Variants in MAGI1 observed in about 807,000 individuals in gnomAD.
The protein encoded by MAGI1 is membrane associated guanylate kinase, WW and PDZ domain containing 1.
Under a neutral mutation model 139.9 loss-of-function variants are expected in MAGI1, and 58 were observed. The ratio of observed to expected loss-of-function variants is 0.41; its 90% CI spans 0.34 to 0.52. The LOEUF (loss-of-function observed/expected upper bound fraction) is 0.52. Among genes scored for constraint, MAGI1 ranks in the 20% least tolerant of loss-of-function variants. MAGI1 has a pLI of 0.12. For synonymous variants in MAGI1, 812 were observed against 737.9 expected (o/e 1.10, Z -1.63); for missense variants, 1,874 against 1,901.6 (o/e 0.99, Z 0.27).
At chr3:65,897,162 A>G (rs758578833) in intron 1 of MAGI1, among the ~76,000 whole-genome samples, 69 of 152,218 alleles carry the variant, frequency 4.5e-4, no homozygotes, top group Non-Finnish European at 8.4e-4. Context: ...ACTAAAGAAT[A>G]AAACTGGTTA....
At chr3:65,539,497 C>T (rs554380631) in intron 2 of MAGI1, among the ~76,000 whole-genome samples, 3 of 152,310 alleles carry the variant, frequency 2.0e-5, no homozygotes, top group South Asian at 4.1e-4. Context: ...AAATGGATAC[C>T]GTGTTCTCTG....
intron 1 of MAGI1, chr3:65,924,830 TCA>T (rs2062413385): frequency 1.3e-5 from 2 of 152,304 alleles, no homozygotes; most frequent in African/African-American, 4.8e-5. Flanking sequence ...TGTAAAGTAC[TCA>T]CAGTCATGCC....
intron 2 of MAGI1, among the ~76,000 whole-genome samples, chr3:65,541,035 T>G (rs918221406): frequency 5.9e-5 from 9 of 152,160 alleles, no homozygotes; most frequent in African/African-American, 2.2e-4. Context: ...AAAAGATATA[T>G]TCTTTCCAAG....
intron 1 of MAGI1, among the ~76,000 whole-genome samples, chr3:65,719,365 T>C (rs1465686646): frequency 5.9e-5 from 9 of 151,800 alleles, no homozygotes; most frequent in African/African-American, 1.7e-4. Context: ...GTGGATATTA[T>C]ACAATGTTTA....
At chr3:65,882,316 T>A (rs1395700415) in intron 1 of MAGI1, among the ~76,000 whole-genome samples, 2 of 152,180 alleles carry the variant, frequency 1.3e-5, no homozygotes, top group Non-Finnish European at 2.9e-5. Context: ...AAGACAAAGC[T>A]GAAGAAATCG....
intron 2 of MAGI1, among the ~76,000 whole-genome samples, chr3:65,523,566 C>T (rs1231438486): frequency 6.6e-6 from 1 of 152,186 alleles, no homozygotes; most frequent in Non-Finnish European, 1.5e-5. Context: ...TGTTCTCCCA[C>T]TAGTCTCTGT....
Position 65,356,389 on chromosome 3 carries a change from G to A in MAGI1, c.4378C>T (p.Leu1460Phe). 6.3e-7 allele frequency: 1 copy of A among 1,588,810 alleles called. No individual in the cohort carries two copies. Among genetic ancestry groups the A allele is most frequent in the Non-Finnish European group, 8.5e-7 (1 of 1,171,752 alleles). Residue 1460 changes from leucine (L) to phenylalanine (F), a missense_variant, in exon 23 of 23, where the codon CTC (leucine) becomes TTC (phenylalanine). Leu to Phe is a conservative substitution (Grantham distance 22). Around this residue, in one of 5 missense-constraint regions of MAGI1, gnomAD observed 653 missense variants for 644.5 expected, o/e 1.01. Coordinates refer to ENST00000402939, the MANE Select transcript of MAGI1 (RefSeq NM_001033057.2). ...TGTGACTCAGCGTCTCAGATACTGA[G>A]GTCGGTGCTACATTCTTTGTAAGGT... is the stretch of plus-strand genomic sequence containing the variant. ...RRPYKECSTD[L>F]SI is the part of the protein sequence containing the mutation.
chr3:65,539,174 A>G (rs1183691095), intron 2 of MAGI1, among the ~76,000 whole-genome samples: 1 of 152,186 alleles, frequency 6.6e-6, no homozygotes, highest in Non-Finnish European at 1.5e-5. Flanking sequence ...CATATCAAGT[A>G]CCATCAAACA....
chr3:65,541,722 C>G (rs1428485567), intron 2 of MAGI1, among the ~76,000 whole-genome samples: 7 of 152,122 alleles, frequency 4.6e-5, no homozygotes, highest in Non-Finnish European at 8.8e-5. Flanking sequence ...ATTCTACACC[C>G]CTTCATACTA....
At chr3:65,547,663 C>A (rs2079567800) in intron 2 of MAGI1, among the ~76,000 whole-genome samples, 1 of 152,038 alleles carries the variant, frequency 6.6e-6, no homozygotes, top group East Asian at 1.9e-4. Flanking sequence ...TAGCTGTGTG[C>A]ACTGGACAAA....
chr3:66,038,649 C>T lies in MAGI1; in HGVS notation c.-341G>A, dbSNP rs1208762736. The T allele has an allele frequency of 8.0e-6, 2 of 248,626 alleles. No homozygotes were observed. Among genetic ancestry groups the T allele is most frequent in the African/African-American group, 2.2e-5 (1 of 44,786 alleles). The allele number at this position is 248,626 out of a possible 1,614,324, so 15.4% of individuals were successfully genotyped here. ...ATTTTTTTTTCCTTCCTTCCTTTCTCTCTTGCCTTTTACAAATGCGGTGCC... is the reference window on the plus strand; with the variant it reads ...ATTTTTTTTTCCTTCCTTCCTTTCTTTCTTGCCTTTTACAAATGCGGTGCC... On this transcript the variant is annotated 5_prime_UTR_variant, in exon 1 of 23. Transcript: ENST00000402939.
chr3:65,825,498 A>T (rs1218863260), intron 1 of MAGI1, among the ~76,000 whole-genome samples: 1 of 152,190 alleles, frequency 6.6e-6, no homozygotes, highest in African/African-American at 2.4e-5. Context: ...GCTATAAATC[A>T]GAGCTCTTTC....
At chr3:65,688,347 A>T (rs1437261568) in intron 1 of MAGI1, 1 of 655,046 alleles carries the variant, frequency 1.5e-6, no homozygotes, top group Non-Finnish European at 2.9e-6. Context: ...GGATGGAGTG[A>T]TAGTAACACC....
chr3:65,383,999 C>G (rs1335937562), intron 14 of MAGI1, among the ~76,000 whole-genome samples: 1 of 152,220 alleles, frequency 6.6e-6, no homozygotes, highest in Non-Finnish European at 1.5e-5. Flanking sequence ...TGTCCAAGAA[C>G]ACTCAGGCTA....
Position 65,794,422 on chromosome 3 carries a change from G to A in MAGI1, c.314-172334C>T, listed in dbSNP as rs115268239. The stretch of plus-strand genomic sequence containing the variant: ...GGGTATGGCCTTCTCTTTATCCAGT[G>A]ACTAAGACTGCGCCCAGCAGCCACT... On this transcript the variant is annotated intron_variant, in intron 1 of 22. Transcript: ENST00000402939. 9.8e-3 allele frequency among the ~76,000 whole-genome samples: 1,496 copies of A among 152,252 alleles called. 30 individuals are homozygous for A. The highest frequency in any genetic ancestry group is 0.034 in the African/African-American group (1,410 of 41,540).
chr3:65,809,120 G>C (rs2041058266), intron 1 of MAGI1, among the ~76,000 whole-genome samples: 1 of 152,164 alleles, frequency 6.6e-6, no homozygotes. Flanking sequence ...ATTAAGAAAT[G>C]CATTTACACT....
intron 2 of MAGI1, among the ~76,000 whole-genome samples, chr3:65,606,310 T>C (rs2082735698): frequency 6.6e-6 from 1 of 152,088 alleles, no homozygotes; most frequent in Non-Finnish European, 1.5e-5. Context: ...AAGGTTATTT[T>C]ACTTTTACTT....
At chr3:65,618,793 G>A (rs1405124536) in intron 2 of MAGI1, among the ~76,000 whole-genome samples, 1 of 152,116 alleles carries the variant, frequency 6.6e-6, no homozygotes, top group East Asian at 1.9e-4. Flanking sequence ...GGTTGAGTCA[G>A]TACTACTATT....
intron 1 of MAGI1, among the ~76,000 whole-genome samples, chr3:65,648,124 C>T (rs1484839360): frequency 1.3e-5 from 2 of 151,948 alleles, no homozygotes; most frequent in Non-Finnish European, 2.9e-5. Flanking sequence ...CACAAGATAC[C>T]AGATATACAT....
Sources: gnomAD v4.1 joint callset for allele counts (sites outside exome capture counted in the v4.1 genomes callset) on GRCh38, gnomAD v4.1.1 for gene constraint, gnomAD v4.1.1 regional missense constraint, MANE v1.5 for transcripts, NCBI Gene and HGNC (gene_info 2026-07-23, HGNC 2026-07-21) for gene names.